The following CALN1 variants were observed in gnomAD, a reference collection of about 807,000 sequenced individuals.
CALN1 encodes calcium-binding protein 8.
CALN1 carries 17 observed loss-of-function variants against 30.6 expected under a neutral mutation model. The ratio of observed to expected loss-of-function variants is 0.56; its 90% CI spans 0.38 to 0.83. The LOEUF is 0.83. CALN1 is among the 40% of genes least tolerant of loss of function. CALN1 has a pLI of 0.00. For missense variants in CALN1, 291 were observed against 354.9 expected, an observed-to-expected ratio of 0.82 and a Z score of 1.45; for synonymous variants, 156 against 131.4, an observed-to-expected ratio of 1.19 and a Z score of -1.28.
chr7:72,002,647 A>G (rs969311405), intron 5 of CALN1, among the ~76,000 whole-genome samples: 3 of 152,180 alleles, frequency 2.0e-5, no homozygotes, highest in Admixed American at 6.5e-5. Context: ...GATGTAGAAA[A>G]TCCCAAGAAA....
chr7:71,899,689 GA>G (rs1425541351), intron 5 of CALN1, among the ~76,000 whole-genome samples: 1 of 152,040 alleles, frequency 6.6e-6, no homozygotes, highest in Non-Finnish European at 1.5e-5. Flanking sequence ...AAATAAACAG[GA>G]AAGAATAATG....
intron 3 of CALN1, among the ~76,000 whole-genome samples, chr7:72,237,061 T>C (rs1214997433): frequency 9.4e-6 from 1 of 105,900 alleles, no homozygotes; most frequent in Non-Finnish European, 2.1e-5. Flanking sequence ...CTCAGCTCAC[T>C]GCAACCTCTG....
intron 5 of CALN1, among the ~76,000 whole-genome samples, chr7:71,871,669 C>T (rs915383665): frequency 7.9e-5 from 12 of 152,292 alleles, no homozygotes; most frequent in African/African-American, 2.4e-4. Flanking sequence ...CTCAGGACAT[C>T]GCACCTTCTG....
At chr7:71,835,685 C>T (rs1263917697) in intron 5 of CALN1, among the ~76,000 whole-genome samples, 3 of 152,016 alleles carry the variant, frequency 2.0e-5, no homozygotes, top group East Asian at 1.9e-4. Flanking sequence ...AACCACCAGC[C>T]CCATAGAAGC....
chr7:72,392,472 G>C (rs1011081055), intron 2 of CALN1, among the ~76,000 whole-genome samples: 9 of 152,178 alleles, frequency 5.9e-5, no homozygotes, highest in Admixed American at 4.6e-4. Flanking sequence ...TGATGGGAGA[G>C]ACTGAGGAAG....
At chr7:72,299,730 C>CT in intron 2 of CALN1, among the ~76,000 whole-genome samples, 1 of 145,566 alleles carries the variant, frequency 6.9e-6, no homozygotes, top group East Asian at 2.0e-4. Context: ...GACTGAGGTC[C>CT]TGCTGTGTTG....
At chr7:71,930,801 G>A (rs1233818566) in intron 5 of CALN1, among the ~76,000 whole-genome samples, 1 of 152,174 alleles carries the variant, frequency 6.6e-6, no homozygotes, top group Non-Finnish European at 1.5e-5. Context: ...CTCACATGCT[G>A]TTTTCTGGGT....
At chr7:72,391,477 T>A (rs983175471) in intron 2 of CALN1, among the ~76,000 whole-genome samples, 18 of 151,632 alleles carry the variant, frequency 1.2e-4, no homozygotes, top group African/African-American at 3.6e-4. Flanking sequence ...CCCAGCATGA[T>A]GAAGAAGAAG....
chr7:72,057,351 G>A (rs1803323582), intron 4 of CALN1, among the ~76,000 whole-genome samples: 1 of 149,470 alleles, frequency 6.7e-6, no homozygotes, highest in Admixed American at 6.7e-5. Context: ...TTTGGCAATG[G>A]CATTTAGATA....
chr7:71,994,051 A>C (rs1799107529), intron 5 of CALN1, among the ~76,000 whole-genome samples: 1 of 151,748 alleles, frequency 6.6e-6, no homozygotes, highest in African/African-American at 2.4e-5. Context: ...AGATCTGCAA[A>C]GGCCTAGAAA....
intron 4 of CALN1, among the ~76,000 whole-genome samples, chr7:72,100,125 G>A (rs545600673): frequency 8.2e-4 from 124 of 150,808 alleles, no homozygotes; most frequent in South Asian, 4.5e-3. Flanking sequence ...TGGGGCCGAA[G>A]ACGCTTAAAT....
chr7:72,374,631 A>C (rs1454214977), intron 2 of CALN1, among the ~76,000 whole-genome samples: 1 of 152,048 alleles, frequency 6.6e-6, no homozygotes, highest in Non-Finnish European at 1.5e-5. Context: ...ACCAAACTTC[A>C]AACAAACTTA....
At chr7:72,074,686 G>C (rs1046747112) in intron 4 of CALN1, among the ~76,000 whole-genome samples, 1 of 152,172 alleles carries the variant, frequency 6.6e-6, no homozygotes, top group Non-Finnish European at 1.5e-5. Flanking sequence ...GGGATTACAG[G>C]CTTAAGCCAC....
At chr7:72,018,780 C>T (rs1245194224) in intron 5 of CALN1, among the ~76,000 whole-genome samples, 2 of 152,186 alleles carry the variant, frequency 1.3e-5, no homozygotes, top group Non-Finnish European at 2.9e-5. Context: ...TTTTATTCTA[C>T]CCTTGGCACT....
chr7:72,372,476 T>C (rs1804304031), intron 2 of CALN1, among the ~76,000 whole-genome samples: 1 of 152,168 alleles, frequency 6.6e-6, no homozygotes, highest in Admixed American at 6.5e-5. Flanking sequence ...AAAGTACTGA[T>C]AAGATCATGG....
the CALN1 span, among the ~76,000 whole-genome samples, chr7:72,500,566 CA>C: frequency 6.6e-6 from 1 of 152,092 alleles, no homozygotes; most frequent in Non-Finnish European, 1.5e-5. Flanking sequence ...AGGCGTGAGC[CA>C]CCGTGCCCAG....
intron 3 of CALN1, among the ~76,000 whole-genome samples, chr7:72,200,948 T>C (rs1217549935): frequency 6.6e-6 from 1 of 152,080 alleles, no homozygotes; most frequent in Non-Finnish European, 1.5e-5. Flanking sequence ...CAAAGGAAAA[T>C]AAATCATTCT....
intron 2 of CALN1, among the ~76,000 whole-genome samples, chr7:72,358,562 G>A (rs768560598): frequency 3.9e-5 from 6 of 152,114 alleles, no homozygotes; most frequent in Admixed American, 6.6e-5. Flanking sequence ...TGTGATCCCC[G>A]TCAACCTGAC....
intron 2 of CALN1, among the ~76,000 whole-genome samples, chr7:72,301,174 C>T (rs1033151516): frequency 1.3e-5 from 2 of 152,054 alleles, no homozygotes; most frequent in Admixed American, 1.3e-4. Flanking sequence ...GAGGGAGAAG[C>T]GCTGAGAGCA....
Sources: allele counts gnomAD v4.1 joint callset (sites outside exome capture counted in the v4.1 genomes callset), GRCh38; gene constraint gnomAD v4.1.1; transcripts MANE v1.5; gene names NCBI Gene and HGNC (gene_info 2026-07-23, HGNC 2026-07-21).